Variants in TMEM132D observed in about 807,000 individuals in gnomAD.
TMEM132D encodes transmembrane protein 132D.
TMEM132D carries 21 observed loss-of-function variants against 62.3 expected under a neutral mutation model. That is an observed-to-expected ratio of 0.34 (90% CI 0.24 to 0.49). TMEM132D has a LOEUF of 0.49. Among genes scored for constraint, TMEM132D ranks in the 20% least tolerant of loss-of-function variants. The pLI, the probability that TMEM132D is intolerant of heterozygous loss-of-function variation, is 0.99. For missense variants in TMEM132D, 1,346 were observed against 1,402.8 expected, an observed-to-expected ratio of 0.96 and a Z score of 0.65; for synonymous variants, 621 against 575.6, an observed-to-expected ratio of 1.08 and a Z score of -1.13.
chr12:129,173,282 T>C (rs1877789862), intron 5 of TMEM132D, among the ~76,000 whole-genome samples: 1 of 152,162 alleles, frequency 6.6e-6, no homozygotes, highest in South Asian at 2.1e-4. Flanking sequence ...TAATAAGCCT[T>C]GGATATAAGA....
chr12:129,704,091 A>G (rs1565955612), intron 1 of TMEM132D, among the ~76,000 whole-genome samples: 2 of 152,362 alleles, frequency 1.3e-5, no homozygotes, highest in East Asian at 3.9e-4. Context: ...TTGATTTCCA[A>G]TAAACAGAAA....
intron 2 of TMEM132D, among the ~76,000 whole-genome samples, chr12:129,572,962 A>G (rs140510921): frequency 5.4e-4 from 82 of 152,328 alleles, no homozygotes; most frequent in African/African-American, 1.7e-3. Context: ...CTGTTGTTTC[A>G]GTGAATGGAT....
chr12:129,145,691 C>T (rs1015736531), intron 5 of TMEM132D, among the ~76,000 whole-genome samples: 8 of 152,048 alleles, frequency 5.3e-5, no homozygotes, highest in African/African-American at 7.2e-5. Context: ...TTTGTGTTAC[C>T]GACACCCTCT....
intron 2 of TMEM132D, among the ~76,000 whole-genome samples, chr12:129,648,860 A>T (rs1442537183): frequency 1.3e-5 from 2 of 151,302 alleles, no homozygotes; most frequent in African/African-American, 2.5e-5. Flanking sequence ...TTCCTTTATA[A>T]AAAAATATAT....
chr12:129,712,334 C>G (rs1198435034), intron 1 of TMEM132D, among the ~76,000 whole-genome samples: 1 of 152,158 alleles, frequency 6.6e-6, no homozygotes, highest in Non-Finnish European at 1.5e-5. Context: ...CCATGTTAGC[C>G]AGGATGGTCT....
chr12:129,676,572 C>T (rs897964629), intron 2 of TMEM132D, among the ~76,000 whole-genome samples: 5 of 152,072 alleles, frequency 3.3e-5, no homozygotes, highest in Admixed American at 6.5e-5. Flanking sequence ...ATGGCGAGAG[C>T]GGGAGGCACC....
chr12:129,662,919 T>G (rs1443260712), intron 2 of TMEM132D, among the ~76,000 whole-genome samples: 1 of 152,152 alleles, frequency 6.6e-6, no homozygotes, highest in Non-Finnish European at 1.5e-5. Context: ...TTTTCTCATT[T>G]AAAAGAAATT....
chr12:129,207,349 C>G (rs916691735), intron 5 of TMEM132D, among the ~76,000 whole-genome samples: 5 of 152,002 alleles, frequency 3.3e-5, no homozygotes, highest in African/African-American at 1.2e-4. Context: ...CGAGGACAGT[C>G]AGAAGATGAA....
At chr12:129,544,257 A>G (rs947443034) in intron 2 of TMEM132D, among the ~76,000 whole-genome samples, 3 of 152,106 alleles carry the variant, frequency 2.0e-5, no homozygotes, top group African/African-American at 7.2e-5. Context: ...TCCTTTGTCC[A>G]TTTCCCTGTT....
chr12:129,134,725 G>A (rs1876504797), intron 5 of TMEM132D, among the ~76,000 whole-genome samples: 1 of 152,168 alleles, frequency 6.6e-6, no homozygotes, highest in South Asian at 2.1e-4. Context: ...TTGAGGCCTG[G>A]TGCTGTCACT....
rs1881039854 is a variant in TMEM132D, at chr12:129,277,771, T to G, written c.1299+59863A>C. On this transcript the variant is annotated intron_variant, in intron 4 of 8. Coordinates refer to ENST00000422113, the MANE Select transcript of TMEM132D (RefSeq NM_133448.3). The surrounding 1 kb of genome is among the most constrained non-coding windows in gnomAD (Gnocchi z 4.2). ...GCCTCATAGATTCTCCGGAAGCCTC[T>G]CCTATGTCCTCTGGTGACACTCATG... Among the ~76,000 whole-genome samples the G allele has an allele frequency of 6.6e-6, 1 of 152,228 alleles. No homozygotes were observed. Among genetic ancestry groups the G allele is most frequent in the Non-Finnish European group, 1.5e-5 (1 of 68,042 alleles).
rs768633401 is a variant in TMEM132D at position 129,613,218 on chromosome 12, GT to G, written c.969-82014del. 4.6e-4 allele frequency among the ~76,000 whole-genome samples: 70 copies of G among 151,318 alleles called. 1 individual carries two copies. The highest frequency in any genetic ancestry group is 3.7e-3 in the Admixed American group (56 of 15,188). On this transcript the variant is annotated intron_variant, in intron 2 of 8. Coordinates refer to ENST00000422113, the MANE Select transcript of TMEM132D (RefSeq NM_133448.3). ...CTGCCAAGTCACTGCCTTGGTTTAG[GT>G]TTTTTTTTAGAAAGCACCTGACTTC... is the stretch of plus-strand genomic sequence containing the variant.
chr12:129,694,337 C>T (rs1881143967), intron 2 of TMEM132D, among the ~76,000 whole-genome samples: 1 of 152,266 alleles, frequency 6.6e-6, no homozygotes, highest in East Asian at 1.9e-4. Context: ...AAGGACATTC[C>T]TCAAAACAGC....
chr12:129,131,767 G>C (rs994684237), intron 5 of TMEM132D, among the ~76,000 whole-genome samples: 1 of 152,080 alleles, frequency 6.6e-6, no homozygotes, highest in Admixed American at 6.6e-5. Flanking sequence ...CATCACACTC[G>C]ACTTTTCTGA....
intron 3 of TMEM132D, among the ~76,000 whole-genome samples, chr12:129,481,009 G>A (rs1234370311): frequency 6.6e-6 from 1 of 152,058 alleles, no homozygotes; most frequent in Non-Finnish European, 1.5e-5. Context: ...GCAGCAGCTA[G>A]AAGCAACTAA....
intron 3 of TMEM132D, among the ~76,000 whole-genome samples, chr12:129,413,343 C>T (rs1872024291): frequency 1.3e-5 from 2 of 152,194 alleles, no homozygotes; most frequent in Admixed American, 6.5e-5. Context: ...CTCTTGCCTG[C>T]CACCACGTAA....
chr12:129,148,333 G>A (rs1876973120), intron 5 of TMEM132D, among the ~76,000 whole-genome samples: 1 of 152,184 alleles, frequency 6.6e-6, no homozygotes, highest in South Asian at 2.1e-4. Flanking sequence ...CATGGCAGAG[G>A]GGACTCTGTA....
At chr12:129,166,683 A>ATATACC (rs1491553200) in intron 5 of TMEM132D, among the ~76,000 whole-genome samples, 2 of 74,824 alleles carry the variant, frequency 2.7e-5, no homozygotes, top group East Asian at 5.6e-4. Context: ...ACATATATAT[A>ATATACC]CACATACACA....
intron 3 of TMEM132D, among the ~76,000 whole-genome samples, chr12:129,343,771 C>CAA (rs201157436): frequency 7.9e-5 from 10 of 127,160 alleles, no homozygotes; most frequent in African/African-American, 1.7e-4. Flanking sequence ...CAAAAAAAAA[C>CAA]AAAAAAAAAA....
Sources: gnomAD v4.1 joint callset for allele counts (sites outside exome capture counted in the v4.1 genomes callset) on GRCh38, gnomAD v4.1.1 for gene constraint, Gnocchi (gnomAD v3.1) non-coding constraint, MANE v1.5 for transcripts, NCBI Gene and HGNC (gene_info 2026-07-23, HGNC 2026-07-21) for gene names.